Variants in AHCYL2 observed in about 807,000 individuals in gnomAD.
AHCYL2 encodes the protein adenosylhomocysteinase like 2, also known as S-adenosylhomocysteine hydrolase-like protein 2.
In AHCYL2, 28 loss-of-function variants were observed where a neutral mutation model predicts 81.4. The observed-to-expected ratio is 0.34, with a 90% confidence interval of 0.25 to 0.47. AHCYL2 has a LOEUF of 0.47. Among genes scored for constraint, AHCYL2 ranks in the 20% least tolerant of loss-of-function variants. The pLI, the probability that AHCYL2 is intolerant of heterozygous loss-of-function variation, is 1.00. For synonymous variants in AHCYL2, 272 were observed against 290.2 expected (o/e 0.94, Z 0.64); for missense variants, 551 against 785.1 (o/e 0.70, Z 3.56).
At chr7:129,263,979 A>G (rs187514568) in intron 1 of AHCYL2, among the ~76,000 whole-genome samples, 22 of 152,302 alleles carry the variant, frequency 1.4e-4, no homozygotes, top group African/African-American at 5.1e-4. Flanking sequence ...ATTCACCAAC[A>G]TAAGGGGTAA....
chr7:129,341,827 TAAAAC>T (rs1464083556), intron 1 of AHCYL2, among the ~76,000 whole-genome samples: 1 of 152,116 alleles, frequency 6.6e-6, no homozygotes, highest in Non-Finnish European at 1.5e-5. Context: ...ATAGTAGAAA[TAAAAC>T]AAACTGTGTA....
intron 1 of AHCYL2, among the ~76,000 whole-genome samples, chr7:129,240,904 C>G (rs1459689406): frequency 6.6e-6 from 1 of 151,792 alleles, no homozygotes; most frequent in Non-Finnish European, 1.5e-5. Context: ...TTTTTTTAAC[C>G]TGTGGGTCAT....
At chr7:129,410,259 C>T in intron 11 of AHCYL2, 10 of 1,614,076 alleles carry the variant, frequency 6.2e-6, no homozygotes, top group South Asian at 1.1e-5. Flanking sequence ...CCTCCTACAA[C>T]TTCCACATCT....
intron 1 of AHCYL2, among the ~76,000 whole-genome samples, chr7:129,362,476 C>A (rs1026056488): frequency 6.6e-6 from 1 of 151,940 alleles, no homozygotes; most frequent in African/African-American, 2.4e-5. Context: ...GATTTAAGGT[C>A]CAGCAATTCC....
At chr7:129,370,795 C>T (rs1046186730) in intron 1 of AHCYL2, among the ~76,000 whole-genome samples, 8 of 152,180 alleles carry the variant, frequency 5.3e-5, no homozygotes, top group African/African-American at 1.9e-4. Context: ...CTCAGCCATT[C>T]TCTCTTAAAT....
intron 12 of AHCYL2, among the ~76,000 whole-genome samples, chr7:129,417,254 G>A (rs981677083): frequency 6.6e-6 from 1 of 152,236 alleles, no homozygotes; most frequent in Non-Finnish European, 1.5e-5. Context: ...AGGCAGGAGT[G>A]TGCTTAGTCT....
At chr7:129,270,878 A>T (rs1250293209) in intron 1 of AHCYL2, among the ~76,000 whole-genome samples, 1 of 152,200 alleles carries the variant, frequency 6.6e-6, no homozygotes, top group Non-Finnish European at 1.5e-5. Context: ...GGTTGTCTTC[A>T]CATAGGTTCA....
At chr7:129,398,632 G>A (rs1795864845) in intron 5 of AHCYL2, among the ~76,000 whole-genome samples, 2 of 148,320 alleles carry the variant, frequency 1.3e-5, no homozygotes, top group Admixed American at 1.3e-4. Flanking sequence ...GCCTGCCTCG[G>A]CCTCCCAAAG....
chr7:129,256,837 T>C (rs1256888718), intron 1 of AHCYL2, among the ~76,000 whole-genome samples: 2 of 152,104 alleles, frequency 1.3e-5, no homozygotes, highest in African/African-American at 4.8e-5. Flanking sequence ...ATAGAGGTTT[T>C]TACCAGTTAA....
intron 9 of AHCYL2, 25 bp downstream of exon 9, chr7:129,405,924 A>G (rs12706882): frequency 0.026 from 42,535 of 1,605,188 alleles, 760 homozygotes; most frequent in Admixed American, 0.079. Context: ...TTTGTTTATT[A>G]GGTGTTTTAA....
At chr7:129,240,622 T>C (rs1304910129) in intron 1 of AHCYL2, among the ~76,000 whole-genome samples, 3 of 151,958 alleles carry the variant, frequency 2.0e-5, no homozygotes. Flanking sequence ...GCACTCAGCA[T>C]GCTTAGGTGG....
chr7:129,372,097 T>C (rs776492896), intron 1 of AHCYL2, among the ~76,000 whole-genome samples: 17 of 152,188 alleles, frequency 1.1e-4, no homozygotes, highest in Non-Finnish European at 1.9e-4. Flanking sequence ...TGCATACTGT[T>C]GTAGGGGGTT....
chr7:129,416,347 C>T lies in AHCYL2; in HGVS notation c.1461+2659C>T, dbSNP rs533740887. On this transcript the variant is annotated intron_variant, in intron 12 of 16. Transcript: ENST00000325006. ...AGCAAATATTTCTACCCTCATGGAG[C>T]TTATATCATAGTGAGAAGAAAATAA... 1.7e-4 allele frequency among the ~76,000 whole-genome samples: 26 copies of T among 152,176 alleles called. 1 individual carries two copies. In the South Asian group the frequency reaches 5.4e-3, roughly 32 times the overall value.
At chr7:129,345,820 A>G (rs1261676912) in intron 1 of AHCYL2, among the ~76,000 whole-genome samples, 1 of 152,202 alleles carries the variant, frequency 6.6e-6, no homozygotes, top group Non-Finnish European at 1.5e-5. Flanking sequence ...AGTGACTTCC[A>G]GGTTTCCGAA....
At chr7:129,311,332 T>TG (rs1797650463) in intron 1 of AHCYL2, among the ~76,000 whole-genome samples, 1 of 152,194 alleles carries the variant, frequency 6.6e-6, no homozygotes, top group Non-Finnish European at 1.5e-5. Flanking sequence ...TGGGATGCCA[T>TG]GGGGCCAGTC....
chr7:129,266,534 C>T (rs1431264923), intron 1 of AHCYL2, among the ~76,000 whole-genome samples: 3 of 137,910 alleles, frequency 2.2e-5, no homozygotes, highest in Non-Finnish European at 3.2e-5. Flanking sequence ...CGTCCCCCGC[C>T]AAAAAAAAAA....
intron 4 of AHCYL2, among the ~76,000 whole-genome samples, chr7:129,396,510 C>G (rs1795750014): frequency 1.3e-5 from 2 of 152,016 alleles, no homozygotes; most frequent in Admixed American, 6.6e-5. Context: ...CAATCTTCGC[C>G]TCACCGTTTC....
intron 1 of AHCYL2, among the ~76,000 whole-genome samples, chr7:129,298,899 G>A (rs999015120): frequency 3.9e-5 from 6 of 152,210 alleles, no homozygotes; most frequent in East Asian, 3.9e-4. Context: ...CTAAAGGTAG[G>A]CAAGCTTTTT....
intron 1 of AHCYL2, among the ~76,000 whole-genome samples, chr7:129,248,620 ATTTTT>A (rs75305879): frequency 9.9e-6 from 1 of 100,792 alleles, no homozygotes; most frequent in East Asian, 2.8e-4. Flanking sequence ...CCTGGATACT[ATTTTT>A]TTTTTTTTTT....
Sources: allele counts gnomAD v4.1 joint callset (sites outside exome capture counted in the v4.1 genomes callset), GRCh38; gene constraint gnomAD v4.1.1; transcripts MANE v1.5; gene names NCBI Gene and HGNC (gene_info 2026-07-23, HGNC 2026-07-21).